Variants in RNF130 observed in about 807,000 individuals in gnomAD.
RNF130 encodes ring finger protein 130.
RNF130 carries 21 observed loss-of-function variants against 44.6 expected under a neutral mutation model. That is an observed-to-expected ratio of 0.47 (90% CI 0.33 to 0.68). The LOEUF is 0.68. Ranked by LOEUF, RNF130 falls within the 30% of genes least tolerant of loss-of-function variation. The pLI, the probability that RNF130 is intolerant of heterozygous loss-of-function variation, is 0.02. For missense variants in RNF130, 479 were observed against 560.6 expected (o/e 0.85, Z 1.47); for synonymous variants, 214 against 210.4 (o/e 1.02, Z -0.15).
chr5:179,993,436 T>C (rs985991737), intron 3 of RNF130, among the ~76,000 whole-genome samples: 8 of 152,244 alleles, frequency 5.3e-5, no homozygotes, highest in Admixed American at 2.6e-4. Context: ...TGAGATGGTA[T>C]CTCATTGTGG....
At chr5:179,994,790 T>G (rs1394795540) in intron 3 of RNF130, among the ~76,000 whole-genome samples, 3 of 152,220 alleles carry the variant, frequency 2.0e-5, no homozygotes, top group Admixed American at 2.0e-4. Flanking sequence ...TAATGGGCTG[T>G]GTGGGTCAAC....
At chr5:179,932,439 T>C (rs1761822222) in intron 7 of RNF130, among the ~76,000 whole-genome samples, 1 of 151,970 alleles carries the variant, frequency 6.6e-6, no homozygotes, top group Admixed American at 6.6e-5. Context: ...TCTGTATTTT[T>C]AGTAGAGACG....
chr5:179,913,739 C>T lies in RNF130; in HGVS notation c.*6578G>A, dbSNP rs562666654. 7.2e-5 allele frequency: 11 copies of T among 152,350 alleles called. No individual in the cohort carries two copies. In the East Asian group the frequency reaches 1.2e-3, roughly 16 times the overall value. 9.4% of individuals were successfully genotyped at this position (152,350 alleles called of 1,614,324 possible). On this transcript the variant is annotated 3_prime_UTR_variant, in exon 8 of 8. Coordinates refer to the RNF130 transcript ENST00000522208. ...CTTTAACAATGCCCCAGAGGAGCTT[C>T]GTGGCTACAGGGGGCCTCCTGACCC...
At chr5:180,061,940 G>C (rs1764995600) in intron 1 of RNF130, among the ~76,000 whole-genome samples, 1 of 152,094 alleles carries the variant, frequency 6.6e-6, no homozygotes, top group Non-Finnish European at 1.5e-5. Flanking sequence ...GGAAGTCCAA[G>C]TTCAAGGCAC....
chr5:179,930,246 T>A (rs138427597), intron 7 of RNF130, among the ~76,000 whole-genome samples: 1 of 152,022 alleles, frequency 6.6e-6, no homozygotes, highest in Non-Finnish European at 1.5e-5. Context: ...TTAGTAGAGA[T>A]GGGGTTTCAC....
At chr5:179,997,690 C>T (rs1352216525) in intron 3 of RNF130, among the ~76,000 whole-genome samples, 1 of 152,086 alleles carries the variant, frequency 6.6e-6, no homozygotes, top group Non-Finnish European at 1.5e-5. Flanking sequence ...TAGTCTTGAA[C>T]TCCTGGACTC....
chr5:179,928,791 G>A (rs1761747518), intron 7 of RNF130, among the ~76,000 whole-genome samples: 1 of 151,980 alleles, frequency 6.6e-6, no homozygotes, highest in African/African-American at 2.4e-5. Flanking sequence ...ACCACGCCTG[G>A]CTAATTTTTT....
At chr5:180,022,268 G>T (rs558577444) in intron 2 of RNF130, among the ~76,000 whole-genome samples, 1 of 152,224 alleles carries the variant, frequency 6.6e-6, no homozygotes, top group Admixed American at 6.5e-5. Context: ...TTGAGGCTAG[G>T]TAAATATTCC....
chr5:180,020,389 G>C (rs1308955895), intron 2 of RNF130, among the ~76,000 whole-genome samples: 1 of 152,192 alleles, frequency 6.6e-6, no homozygotes. Flanking sequence ...GAAGTGACTG[G>C]TGTGGACGTG....
chr5:179,970,230 T>C (rs1231792826), intron 6 of RNF130, among the ~76,000 whole-genome samples, 180 bp downstream of exon 6: 1 of 152,226 alleles, frequency 6.6e-6, no homozygotes, highest in East Asian at 1.9e-4. Context: ...TGAGATGGAT[T>C]AGACTTCTTA....
At chr5:180,061,704 T>C (rs1764990976) in intron 1 of RNF130, among the ~76,000 whole-genome samples, 1 of 152,218 alleles carries the variant, frequency 6.6e-6, no homozygotes, top group African/African-American at 2.4e-5. Flanking sequence ...TCGTTGGATT[T>C]AGGGCCCACA....
intron 2 of RNF130, among the ~76,000 whole-genome samples, chr5:180,020,420 A>G (rs1243864850): frequency 6.6e-6 from 1 of 152,160 alleles, no homozygotes; most frequent in Admixed American, 6.5e-5. Flanking sequence ...CCACCACAGG[A>G]TCCCTCAGCA....
chr5:179,923,841 C>T (rs116778091), intron 7 of RNF130, among the ~76,000 whole-genome samples: 2,292 of 152,270 alleles, frequency 0.015, 24 homozygotes, highest in Non-Finnish European at 0.024. Flanking sequence ...AACACTAACA[C>T]CATATTGTCT....
In RNF130 at chr5:180,071,664, G is replaced by A. The variant is rs1340087655; in HGVS notation, c.39C>T (p.Ala13=). 1.4e-6 allele frequency: 2 copies of A among 1,430,464 alleles called. No homozygotes were observed. The highest frequency in any genetic ancestry group is 2.9e-5 in the African/African-American group (2 of 67,900). 88.6% of individuals were successfully genotyped at this position (1,430,464 alleles called of 1,614,324 possible). Reference sequence around the variant, plus strand: ...GGCTGCAGGTCAGCAGGGCGAGCGCGGCGAGCCGGGCAGGGCCCGCCCGCC... The same window carrying A: ...GGCTGCAGGTCAGCAGGGCGAGCGCAGCGAGCCGGGCAGGGCCCGCCCGCC... ...CAGRAGPARL[A]ALALLTCSLW... Residue 13 remains alanine, a synonymous_variant, in exon 1 of 9, where the codon GCC becomes GCT. Coordinates refer to ENST00000521389, the MANE Select transcript of RNF130 (RefSeq NM_018434.6).
At chr5:180,047,764 C>T (rs1764600366) in intron 1 of RNF130, among the ~76,000 whole-genome samples, 1 of 152,106 alleles carries the variant, frequency 6.6e-6, no homozygotes, top group East Asian at 1.9e-4. Flanking sequence ...TAAAATAAAT[C>T]TCAGGCCACT....
chr5:179,965,347 A>G lies in RNF130; in HGVS notation c.1150+1459T>C, dbSNP rs1762418175. Among the ~76,000 whole-genome samples the G allele has an allele frequency of 3.9e-5, 6 of 152,312 alleles. No individual in the cohort carries two copies. The South Asian group carries it at 1.2e-3, about 32-fold the overall frequency. On this transcript the variant is annotated intron_variant, in intron 7 of 8. Transcript: ENST00000521389. ...CTACGGTGCCCAGGGCTTCGGAGGG[A>G]AAGCAGAGGTAGCTGTGGTTTAGTT... is the stretch of plus-strand genomic sequence containing the variant.
intron 5 of RNF130, 103 bp from the exon 6 acceptor site, chr5:179,970,609 T>G (rs143255859): frequency 0.018 from 14,661 of 823,430 alleles, 208 homozygotes; most frequent in South Asian, 0.035. Flanking sequence ...TTTTCCCCCT[T>G]TCAGGACATA....
chr5:180,048,314 G>A (rs1322178530), intron 1 of RNF130, among the ~76,000 whole-genome samples: 2 of 152,114 alleles, frequency 1.3e-5, no homozygotes, highest in Non-Finnish European at 2.9e-5. Flanking sequence ...AAATCACTCT[G>A]TATCTAATTT....
exon 8 of RNF130, chr5:179,919,011 C>A: frequency 6.6e-6 from 1 of 152,384 alleles, no homozygotes; most frequent in East Asian, 1.9e-4. Context: ...GCTGTCGGAT[C>A]TGACCCTGGG....
Sources: gnomAD v4.1 joint callset for allele counts (sites outside exome capture counted in the v4.1 genomes callset) on GRCh38, gnomAD v4.1.1 for gene constraint, MANE v1.5 for transcripts, NCBI Gene and HGNC (gene_info 2026-07-23, HGNC 2026-07-21) for gene names.